MOV10L1: variants seen among roughly 807,000 people sequenced by gnomAD.
The protein encoded by MOV10L1 is RNA helicase Mov10l1.
A neutral mutation model predicts 143.8 loss-of-function variants in MOV10L1; 110 were observed. That is an observed-to-expected ratio of 0.76 (90% CI 0.66 to 0.90). The LOEUF (loss-of-function observed/expected upper bound fraction) is 0.90. Ranked by LOEUF, MOV10L1 falls within the 40% of genes least tolerant of loss-of-function variation. MOV10L1 has a pLI of 0.00. For synonymous variants in MOV10L1, 593 were observed against 581.1 expected (o/e 1.02, Z -0.29); for missense variants, 1,406 against 1,526.8 (o/e 0.92, Z 1.32).
At chr22:50,100,690 A>G (rs1306636242) in intron 3 of MOV10L1, among the ~76,000 whole-genome samples, 1 of 152,078 alleles carries the variant, frequency 6.6e-6, no homozygotes. Flanking sequence ...TGTCTTTAGT[A>G]GAGACAGGGT....
intron 13 of MOV10L1, among the ~76,000 whole-genome samples, chr22:50,129,053 C>T (rs1403493534): frequency 6.6e-6 from 1 of 152,142 alleles, no homozygotes. Flanking sequence ...CCCCACCATG[C>T]CTGTGGTTGA....
intron 19 of MOV10L1, among the ~76,000 whole-genome samples, chr22:50,148,558 C>G (rs138268): frequency 0.38 from 58,513 of 152,088 alleles, 12,618 homozygotes; most frequent in Non-Finnish European, 0.49. Flanking sequence ...AAGAGCCGGA[C>G]AGGTACCCGC....
rs564095946 is a variant in MOV10L1, at chr22:50,121,746, A to G, written c.1569+1130A>G. ...GGTGCTCCTCAGCTCCTCCCTGGGG[A>G]CCCAGGTCTGCTGGGCTTGGAGGGT... On this transcript the variant is annotated intron_variant, in intron 10 of 26. Coordinates refer to ENST00000262794, the MANE Select transcript of MOV10L1 (RefSeq NM_018995.3). 1.7e-4 allele frequency among the ~76,000 whole-genome samples: 26 copies of G among 152,226 alleles called. No individual in the cohort carries two copies. In the East Asian group the frequency reaches 5.0e-3, roughly 29 times the overall value.
Position 50,103,831 on chromosome 22 carries a change from G to A in MOV10L1, c.442+4229G>A, listed in dbSNP as rs544312356. 2.6e-5 allele frequency among the ~76,000 whole-genome samples: 4 copies of A among 152,314 alleles called. No homozygotes were observed. The South Asian group carries it at 8.3e-4, about 32-fold the overall frequency. On this transcript the variant is annotated intron_variant, in intron 3 of 26. Transcript: ENST00000262794. Reference sequence around the variant, plus strand: ...GCAGTCCCCAAACTCTTTGGCACCAGGGACCAGTTTTGTGAAAGATAATTT... The same window carrying A: ...GCAGTCCCCAAACTCTTTGGCACCAAGGACCAGTTTTGTGAAAGATAATTT...
At chr22:50,130,530 G>T (rs1449251848) in intron 13 of MOV10L1, among the ~76,000 whole-genome samples, 1 of 152,156 alleles carries the variant, frequency 6.6e-6, no homozygotes, top group East Asian at 1.9e-4. Context: ...GCAGGATGGA[G>T]AGAGAGCGAG....
intron 9 of MOV10L1, 57 bp from the exon 10 acceptor site, chr22:50,120,445 T>G: frequency 9.1e-7 from 1 of 1,094,328 alleles, no homozygotes; most frequent in East Asian, 2.4e-5. Context: ...GGTAAGAATG[T>G]CTAGTGATAC....
intron 9 of MOV10L1, among the ~76,000 whole-genome samples, chr22:50,118,079 TG>T (rs2062232656): frequency 6.6e-6 from 1 of 152,128 alleles, no homozygotes; most frequent in African/African-American, 2.4e-5. Flanking sequence ...TTTCTAATAC[TG>T]AAAGATTCTG....
In MOV10L1 at chr22:50,152,767, A is replaced by C. The variant is rs923064723; in HGVS notation, c.2893-278A>C. Among the ~76,000 whole-genome samples, 1 of 152,134 alleles carries C rather than the reference A, an allele frequency of 6.6e-6. No homozygotes were observed. Among genetic ancestry groups the C allele is most frequent in the African/African-American group, 2.4e-5 (1 of 41,422 alleles). On this transcript the variant is annotated intron_variant, in intron 21 of 26. Coordinates refer to ENST00000262794, the MANE Select transcript of MOV10L1 (RefSeq NM_018995.3). This position sits in a 1 kb window ranked among gnomAD's most constrained non-coding sequence, Gnocchi z 4.4. ...GGTTCCAGGTGGCAGGAGCCCTTTA[A>C]GAGGCCCCTCAGCGGCACCCAGACC...
At chr22:50,129,833 C>T (rs1415181756) in intron 13 of MOV10L1, among the ~76,000 whole-genome samples, 1 of 152,218 alleles carries the variant, frequency 6.6e-6, no homozygotes, top group Non-Finnish European at 1.5e-5. Context: ...AAATGTTCCT[C>T]TTCCATGAAA....
chr22:50,116,469 G>C (rs866453370), intron 8 of MOV10L1, among the ~76,000 whole-genome samples: 8 of 151,556 alleles, frequency 5.3e-5, no homozygotes, highest in Non-Finnish European at 7.4e-5. Flanking sequence ...AAAGCCATAG[G>C]GGGGCACAAA....
chr22:50,153,780 G>T (rs1412511157), intron 22 of MOV10L1, among the ~76,000 whole-genome samples: 1 of 152,218 alleles, frequency 6.6e-6, no homozygotes, highest in Non-Finnish European at 1.5e-5. Context: ...TCGCTAAAAT[G>T]AGATAGTTTG....
At chr22:50,149,772 G>A in intron 20 of MOV10L1, 58 bp downstream of exon 20, 1 of 1,474,876 alleles carries the variant, frequency 6.8e-7, no homozygotes, top group Non-Finnish European at 9.3e-7. Context: ...CTGAGGGGAT[G>A]CAGGCTGCGA....
At position 50,117,690 on chromosome 22, in the gene MOV10L1, C is replaced by T. The variant is rs149139264; in HGVS notation, c.1454+339C>T. On this transcript the variant is annotated intron_variant, in intron 9 of 26. Coordinates refer to ENST00000262794, the MANE Select transcript of MOV10L1 (RefSeq NM_018995.3). ...GCTCCTGCCACCTCTCCCGTCCTGACGAGGCCATGGTGTGTAGTGCACGGC... is the reference window on the plus strand; with the variant it reads ...GCTCCTGCCACCTCTCCCGTCCTGATGAGGCCATGGTGTGTAGTGCACGGC... Among the ~76,000 whole-genome samples the T allele has an allele frequency of 1.2e-3, 183 of 152,286 alleles. 2 individuals are homozygous for T. In the East Asian group the frequency reaches 0.032, roughly 27 times the overall value.
rs1185616959 is a variant in MOV10L1, at chr22:50,120,530, C to G, written c.1483C>G (p.Leu495Val). Residue 495 changes from leucine to valine, a missense_variant, in exon 10 of 27, where the codon CTT (leucine) becomes GTT (valine). Physicochemically the swap from Leu to Val is conservative, Grantham distance 32. This residue lies in a region of MOV10L1 where 1,233 missense variants were observed against 1,351.4 expected (regional missense o/e 0.91). Transcript: ENST00000262794. Reference sequence around the variant, plus strand: ...CTCAAGACGACAACTTCCAAGTTTTCTTCCCCAATATCCAATCCCAGATAG... The same window carrying G: ...CTCAAGACGACAACTTCCAAGTTTTGTTCCCCAATATCCAATCCCAGATAG... ...RNSRRQLPSF[L>V]PQYPIPDRLR... 2.5e-6 allele frequency: 4 copies of G among 1,611,480 alleles called. No individual in the cohort carries two copies. The highest frequency in any genetic ancestry group is 3.4e-6 in the Non-Finnish European group (4 of 1,179,116).
At chr22:50,134,183 A>C (rs2062756689) in intron 14 of MOV10L1, 118 bp downstream of exon 14, 2 of 756,814 alleles carry the variant, frequency 2.6e-6, no homozygotes, top group South Asian at 5.0e-5. Flanking sequence ...AACTTTTGTT[A>C]TATTCATGTT....
intron 13 of MOV10L1, among the ~76,000 whole-genome samples, chr22:50,130,259 C>T (rs1249469588): frequency 2.0e-5 from 3 of 151,654 alleles, no homozygotes; most frequent in Middle Eastern, 3.2e-3. Flanking sequence ...TGAGACAGAG[C>T]GAGACTCTGT....
In MOV10L1 at chr22:50,090,252, G is replaced by A. The variant is rs557311541; in HGVS notation, c.97+67G>A. The stretch of plus-strand genomic sequence containing the variant: ...CGCGTGTCGGCCACGAGGGAGCCGC[G>A]CCCATAGGTCTTTGAGTGCAGTGCG... On this transcript the variant is annotated intron_variant, in intron 1 of 26. Transcript: ENST00000262794. The A allele has an allele frequency of 1.6e-5, 22 of 1,412,942 alleles. No homozygotes were observed. The African/African-American group carries it at 3.0e-4, about 19-fold the overall frequency. The allele number at this position is 1,412,942 out of a possible 1,614,324, so 87.5% of individuals were successfully genotyped here.
chr22:50,100,292 C>T lies in MOV10L1; in HGVS notation c.442+690C>T, dbSNP rs138467391. Among the ~76,000 whole-genome samples, 89 of 151,702 alleles carry T rather than the reference C, an allele frequency of 5.9e-4. No homozygotes were observed. In the East Asian group the frequency reaches 0.016, roughly 28 times the overall value. ...ACAGGCATGAGCCACCACACCCAGC[C>T]AGGTCACTGTTTAAACTTGTGCTTT... On this transcript the variant is annotated intron_variant, in intron 3 of 26. Coordinates refer to ENST00000262794, the MANE Select transcript of MOV10L1 (RefSeq NM_018995.3).
At chr22:50,096,250 A>T (rs1281736586) in intron 2 of MOV10L1, 2 of 152,192 alleles carry the variant, frequency 1.3e-5, no homozygotes, top group Non-Finnish European at 2.9e-5. Flanking sequence ...TAAATACCTC[A>T]TATAAGCGGA....
Sources: allele counts gnomAD v4.1 joint callset (sites outside exome capture counted in the v4.1 genomes callset), GRCh38; gene constraint gnomAD v4.1.1; regional missense constraint gnomAD v4.1.1; non-coding constraint Gnocchi (gnomAD v3.1); transcripts MANE v1.5; gene names NCBI Gene and HGNC (gene_info 2026-07-23, HGNC 2026-07-21).